PCNT: variants seen among roughly 807,000 people sequenced by gnomAD.
The protein encoded by PCNT is pericentrin.
Under a neutral mutation model 380.4 loss-of-function variants are expected in PCNT, and 319 were observed. The ratio of observed to expected loss-of-function variants is 0.84; its 90% CI spans 0.77 to 0.92. PCNT has a LOEUF of 0.92. Among genes scored for constraint, PCNT ranks in the 40% least tolerant of loss-of-function variants. The pLI is 0.00. For synonymous variants in PCNT, 1,845 were observed against 1,735.2 expected (o/e 1.06, Z -1.57); for missense variants, 4,400 against 4,255.3 (o/e 1.03, Z -0.95).
chr21:46,416,447 T>G lies in PCNT; in HGVS notation c.6529T>G (p.Ser2177Ala), dbSNP rs1412140679. 1 of 1,614,152 alleles carries G rather than the reference T, an allele frequency of 6.2e-7. No individual in the cohort carries two copies. Among genetic ancestry groups the G allele is most frequent in the Non-Finnish European group, 8.5e-7 (1 of 1,180,022 alleles). Residue 2177 changes from serine (S) to alanine (A), a missense_variant, in exon 30 of 47, where the codon TCT (serine) becomes GCT (alanine). Coordinates refer to ENST00000359568, the MANE Select transcript of PCNT (RefSeq NM_006031.6). ...CTTGATACCAGATGAAATGCCAGATTCTCCCATTCAAGAAAAATCAGAATG... is the reference window on the plus strand; with the variant it reads ...CTTGATACCAGATGAAATGCCAGATGCTCCCATTCAAGAAAAATCAGAATG... ...DSLIPDEMPDSPIQEKSECQD... is the reference protein window; with the variant it reads ...DSLIPDEMPDAPIQEKSECQD...
intron 45 of PCNT, 65 bp downstream of exon 45, chr21:46,444,013 C>T: frequency 6.6e-7 from 1 of 1,526,390 alleles, no homozygotes; most frequent in Admixed American, 1.9e-5. Context: ...CATAGGGCCT[C>T]AGAGAAATGC....
chr21:46,399,200 AC>A (rs570347016), intron 24 of PCNT, among the ~76,000 whole-genome samples: 21 of 132,610 alleles, frequency 1.6e-4, no homozygotes, highest in African/African-American at 6.0e-4. Flanking sequence ...TCTTAACACA[AC>A]ATCACCCTAT....
At chr21:46,355,983 T>C (rs2084460431) in intron 12 of PCNT, among the ~76,000 whole-genome samples, 1 of 152,162 alleles carries the variant, frequency 6.6e-6, no homozygotes, top group African/African-American at 2.4e-5. Flanking sequence ...AGGATCCTGC[T>C]CTGCTCCCAG....
intron 15 of PCNT, among the ~76,000 whole-genome samples, chr21:46,379,564 C>G (rs1183652481): frequency 6.6e-6 from 1 of 152,064 alleles, no homozygotes; most frequent in Non-Finnish European, 1.5e-5. Flanking sequence ...TTCCTCTGCC[C>G]TTTTCTCTCC....
Position 46,431,573 on chromosome 21 carries a change from ACT to A in PCNT, c.8112_8113del (p.Cys2705ArgfsTer37), listed in dbSNP as rs767607892. The A allele has an allele frequency of 5.0e-6, 8 of 1,613,850 alleles. No homozygotes were observed. In the South Asian group the frequency reaches 5.5e-5, roughly 11 times the overall value. On this transcript the variant is annotated frameshift_variant, in exon 38 of 47. Transcript: ENST00000359568. LOFTEE classifies it high-confidence loss of function. The stretch of plus-strand genomic sequence containing the variant: ...AGACACAGCGTGCTCAGAGCAGTCG[ACT>A]CTGCGTGGCACTGAAACACGAGCAG... Reference protein sequence around the residue: ...LETQRAQSSRLCVALKHEQTA... With the variant: ...LETQRAQSSRXCVALKHEQTA...
chr21:46,438,359 T>C lies in PCNT; in HGVS notation c.9273+22T>C, dbSNP rs2051190. The C allele has an allele frequency of 0.3, 482,026 of 1,607,932 alleles. 74,223 individuals carry two copies. The highest frequency in any genetic ancestry group is 0.37 in the Admixed American group (22,430 of 59,996). On this transcript the variant is annotated intron_variant, in intron 41 of 46. Coordinates refer to ENST00000359568, the MANE Select transcript of PCNT (RefSeq NM_006031.6). ...AAGCGTAGGTGTCTGTGCTTAACTC[T>C]TACCTGCCTCAGCCTAACCCACCAT...
rs144757781 is a variant in PCNT, at chr21:46,431,895, G to A, written c.8431G>A (p.Val2811Met). 2 of 1,613,988 alleles carry A rather than the reference G, an allele frequency of 1.2e-6. No individual in the cohort carries two copies. The highest frequency in any genetic ancestry group is 4.5e-5 in the East Asian group (2 of 44,896). ...GGACTTGCAAGCGATGCTTGAAAAG[G>A]TGCAGCAGCAAGCCCTGCATTCTCA... ...VVDLQAMLEK[V>M]QQQALHSQQQ... is the part of the protein sequence containing the mutation. Residue 2811 changes from valine (V) to methionine (M), a missense_variant, in exon 38 of 47, where the codon GTG (valine) becomes ATG (methionine). Coordinates refer to ENST00000359568, the MANE Select transcript of PCNT (RefSeq NM_006031.6).
chr21:46,366,042 G>A (rs1288121735), intron 14 of PCNT, among the ~76,000 whole-genome samples: 2 of 151,012 alleles, frequency 1.3e-5, no homozygotes, highest in African/African-American at 4.9e-5. Flanking sequence ...ACTGCCTTGG[G>A]GTTCTATTCA....
chr21:46,365,721 T>TGTGGGGTTGTATTCACTGCC (rs1569205115), intron 14 of PCNT, among the ~76,000 whole-genome samples: 1 of 112,356 alleles, frequency 8.9e-6, no homozygotes, highest in Non-Finnish European at 1.9e-5. Flanking sequence ...TGTTCACTGC[T>TGTGGGGTTGTATTCACTGCC]GTGGGGTTCT....
chr21:46,386,119 C>T, intron 17 of PCNT, 136 bp downstream of exon 17: 1 of 1,003,906 alleles, frequency 1.0e-6, no homozygotes, highest in South Asian at 1.3e-5. Flanking sequence ...GGACGGGGAC[C>T]CGGCTTCCTT....
Position 46,385,896 on chromosome 21 carries a change from T to C in PCNT, c.3377T>C (p.Leu1126Pro). The part of the protein sequence containing the change: ...IEECRSELEV[L>P]QQRRERENRE... Reference sequence around the variant, plus strand: ...GAGTGCCGCTCCGAGTTGGAGGTGCTGCAGCAGAGGCGGGAGCGGGAGAAC... The same window carrying C: ...GAGTGCCGCTCCGAGTTGGAGGTGCCGCAGCAGAGGCGGGAGCGGGAGAAC... Residue 1126 changes from leucine (L) to proline (P), a missense_variant, in exon 17 of 47, where the codon CTG becomes CCG. Leu to Pro is a moderately conservative substitution (Grantham distance 98). Transcript: ENST00000359568. 1.2e-6 allele frequency: 2 copies of C among 1,614,224 alleles called. No homozygotes were observed. The highest frequency in any genetic ancestry group is 1.7e-6 in the Non-Finnish European group (2 of 1,180,024).
rs775103174 is a variant in PCNT at position 46,432,003 on chromosome 21, G to A, written c.8539G>A (p.Val2847Met). ...GGTAAGTGCCACACTGAAGTCGACG[G>A]TGGAAGCCCTGCACACCCAAAAACG... is the stretch of plus-strand genomic sequence containing the variant. ...KEVSATLKST[V>M]EALHTQKREL... Residue 2847 changes from valine (V) to methionine (M), a missense_variant, in exon 38 of 47, where the codon GTG (valine) becomes ATG (methionine). Coordinates refer to ENST00000359568, the MANE Select transcript of PCNT (RefSeq NM_006031.6). The A allele has an allele frequency of 1.9e-6, 3 of 1,613,942 alleles. No individual in the cohort carries two copies. The highest frequency in any genetic ancestry group is 4.5e-5 in the East Asian group (2 of 44,886).
At chr21:46,374,835 G>A (rs555144611) in intron 15 of PCNT, among the ~76,000 whole-genome samples, 1 of 104,268 alleles carries the variant, frequency 9.6e-6, no homozygotes, top group South Asian at 3.2e-4. Flanking sequence ...GGCAACAAGA[G>A]CAAAACTTCG....
intron 35 of PCNT, 84 bp from the exon 36 acceptor site, chr21:46,429,926 C>G: frequency 9.2e-7 from 1 of 1,089,272 alleles, no homozygotes; most frequent in Non-Finnish European, 1.4e-6. Context: ...CCTCACGCCC[C>G]CACGAGTCTG....
intron 31 of PCNT, among the ~76,000 whole-genome samples, chr21:46,418,565 C>G (rs536685114): frequency 6.6e-6 from 1 of 152,240 alleles, no homozygotes; most frequent in African/African-American, 2.4e-5. Flanking sequence ...GCTGGCATCT[C>G]AGCTACAGCT....
chr21:46,395,228 T>C (rs1300876576), intron 21 of PCNT, among the ~76,000 whole-genome samples: 1 of 152,270 alleles, frequency 6.6e-6, no homozygotes, highest in Non-Finnish European at 1.5e-5. Context: ...CAAATCAAAA[T>C]GATTTTTTGG....
intron 1 of PCNT, among the ~76,000 whole-genome samples, chr21:46,324,657 G>A (rs183004597): frequency 0.011 from 1,675 of 151,836 alleles, 29 homozygotes; most frequent in African/African-American, 0.038. Flanking sequence ...CTGCACGGAG[G>A]GGGTGGGGCG....
chr21:46,418,559 G>T (rs990270551), intron 31 of PCNT, among the ~76,000 whole-genome samples: 2 of 152,212 alleles, frequency 1.3e-5, no homozygotes, highest in African/African-American at 2.4e-5. Context: ...TCCAAGGCTG[G>T]CATCTCAGCT....
intron 12 of PCNT, among the ~76,000 whole-genome samples, chr21:46,356,754 G>C (rs994787789): frequency 6.6e-6 from 1 of 152,254 alleles, no homozygotes; most frequent in African/African-American, 2.4e-5. Context: ...CCTGTGACTC[G>C]GGACGGCACT....
Sources: gnomAD v4.1 joint callset for allele counts (sites outside exome capture counted in the v4.1 genomes callset) on GRCh38, gnomAD v4.1.1 for gene constraint, MANE v1.5 for transcripts, NCBI Gene and HGNC (gene_info 2026-07-23, HGNC 2026-07-21) for gene names.